DLGAP2: variants seen among roughly 807,000 people sequenced by gnomAD.
DLGAP2 encodes disks large-associated protein 2.
DLGAP2 carries 26 observed loss-of-function variants against 100.3 expected under a neutral mutation model. That is an observed-to-expected ratio of 0.26 (90% CI 0.19 to 0.36). DLGAP2 has a LOEUF of 0.36. Among genes scored for constraint, DLGAP2 ranks in the 10% least tolerant of loss-of-function variants. The probability of loss-of-function intolerance (pLI) is 1.00; values close to 1 mark genes in which losing one functional copy is unlikely to be tolerated. For synonymous variants in DLGAP2, 886 were observed against 630.1 expected (o/e 1.41, Z -6.08); for missense variants, 1,858 against 1,453.2 (o/e 1.28, Z -4.53).
chr8:1,674,873 G>T lies in DLGAP2; in HGVS notation c.2203-1660G>T, dbSNP rs185172898. 2.0e-3 allele frequency among the ~76,000 whole-genome samples: 311 copies of T among 152,322 alleles called. 1 individual carries two copies. Among genetic ancestry groups the T allele is most frequent in the Middle Eastern group, 0.01 (3 of 294 alleles). On this transcript the variant is annotated intron_variant, in intron 10 of 14. Coordinates refer to ENST00000637795, the MANE Select transcript of DLGAP2 (RefSeq NM_001346810.2). The stretch of plus-strand genomic sequence containing the variant: ...CTTAAAACACGAGGCAGCTCCATAT[G>T]TACAGACATGGAATTTTAAATGTAT...
intron 6 of DLGAP2, among the ~76,000 whole-genome samples, chr8:1,587,531 T>G (rs1177774269): frequency 2.0e-5 from 3 of 152,252 alleles, no homozygotes; most frequent in Admixed American, 6.5e-5. Flanking sequence ...CTATGAATGT[T>G]TCTAAGAATA....
intron 2 of DLGAP2, among the ~76,000 whole-genome samples, chr8:963,786 C>A (rs527984135): frequency 2.6e-5 from 4 of 152,090 alleles, no homozygotes; most frequent in Non-Finnish European, 5.9e-5. Flanking sequence ...AGTAGGAATT[C>A]CATTAAACAT....
chr8:970,122 G>A (rs1447366025), intron 2 of DLGAP2, among the ~76,000 whole-genome samples: 1 of 151,924 alleles, frequency 6.6e-6, no homozygotes, highest in African/African-American at 2.4e-5. Context: ...ATGTCCACCG[G>A]CATTCATTTT....
At chr8:841,854 G>A (rs545892454) in intron 1 of DLGAP2, among the ~76,000 whole-genome samples, 1 of 152,162 alleles carries the variant, frequency 6.6e-6, no homozygotes, top group Non-Finnish European at 1.5e-5. Flanking sequence ...TATCACATTT[G>A]TGTCTCTTGT....
intron 3 of DLGAP2, among the ~76,000 whole-genome samples, chr8:1,260,255 C>G (rs11136371): frequency 6.6e-6 from 1 of 151,810 alleles, no homozygotes; most frequent in South Asian, 2.1e-4. Flanking sequence ...CCATTCCCAC[C>G]AGGGAATGCA....
At chr8:1,693,666 C>A (rs540515814) in intron 13 of DLGAP2, among the ~76,000 whole-genome samples, 2 of 152,300 alleles carry the variant, frequency 1.3e-5, no homozygotes, top group South Asian at 4.1e-4. Flanking sequence ...CATCTCATGT[C>A]TTTTCCTTAG....
intron 4 of DLGAP2, among the ~76,000 whole-genome samples, chr8:1,537,594 C>T (rs1420108654): frequency 3.9e-5 from 6 of 152,056 alleles, no homozygotes; most frequent in Middle Eastern, 3.2e-3. Flanking sequence ...ATCTTGCTTC[C>T]GTAGGACAGG....
intron 1 of DLGAP2, among the ~76,000 whole-genome samples, chr8:829,132 A>G (rs1208416227): frequency 6.6e-6 from 1 of 152,204 alleles, no homozygotes; most frequent in African/African-American, 2.4e-5. Flanking sequence ...GTTTTCTTCC[A>G]TTTCTCCCTT....
chr8:789,852 G>C (rs762979437), intron 1 of DLGAP2, among the ~76,000 whole-genome samples: 5 of 152,306 alleles, frequency 3.3e-5, no homozygotes, highest in Non-Finnish European at 5.9e-5. Flanking sequence ...TGGACAAGTG[G>C]TATTGCCCTG....
rs1366225793 is a variant in DLGAP2, at chr8:1,037,172, C to G, written c.73+129206C>G. On this transcript the variant is annotated intron_variant, in intron 2 of 14. Transcript: ENST00000637795. The stretch of plus-strand genomic sequence containing the variant: ...TTCAGTCCTTCCTGCCGCCTGCACC[C>G]AGGGAGCTCAACAGCCTTGAGCGTC... Among the ~76,000 whole-genome samples, 3 of 152,166 alleles carry G rather than the reference C, an allele frequency of 2.0e-5. No individual in the cohort carries two copies. In the East Asian group the frequency reaches 5.8e-4, roughly 29 times the overall value.
intron 4 of DLGAP2, among the ~76,000 whole-genome samples, chr8:1,519,491 A>G (rs1800513130): frequency 6.6e-6 from 1 of 152,226 alleles, no homozygotes; most frequent in Non-Finnish European, 1.5e-5. Context: ...TCTCTTTTCA[A>G]GTCAATACTT....
intron 2 of DLGAP2, among the ~76,000 whole-genome samples, chr8:1,187,473 T>A (rs1457016199): frequency 7.3e-6 from 1 of 136,080 alleles, no homozygotes; most frequent in Non-Finnish European, 1.5e-5. Context: ...TCCGTGACAT[T>A]TGCCTCACGG....
At chr8:1,252,812 G>A (rs1329911766) in intron 2 of DLGAP2, among the ~76,000 whole-genome samples, 1 of 152,240 alleles carries the variant, frequency 6.6e-6, no homozygotes, top group Admixed American at 6.5e-5. Flanking sequence ...AGCCTTTCCT[G>A]ACGAGCAGAG....
intron 3 of DLGAP2, among the ~76,000 whole-genome samples, chr8:1,433,764 G>A (rs902520492): frequency 7.2e-6 from 1 of 137,944 alleles, no homozygotes. Flanking sequence ...TTTGCTAGGA[G>A]AGTTCAGATA....
intron 3 of DLGAP2, among the ~76,000 whole-genome samples, chr8:1,496,690 T>C (rs1799556188): frequency 6.6e-6 from 1 of 152,168 alleles, no homozygotes; most frequent in Non-Finnish European, 1.5e-5. Flanking sequence ...AGGACAGCCA[T>C]TTCTCTGAAG....
chr8:905,641 C>T (rs556761783), intron 1 of DLGAP2, among the ~76,000 whole-genome samples: 23 of 152,260 alleles, frequency 1.5e-4, no homozygotes, highest in African/African-American at 3.8e-4. Context: ...GTGGGCCTCC[C>T]GTGAGCACCT....
At chr8:927,782 C>T (rs929335025) in intron 2 of DLGAP2, among the ~76,000 whole-genome samples, 9 of 151,946 alleles carry the variant, frequency 5.9e-5, no homozygotes, top group Non-Finnish European at 8.8e-5. Context: ...TTGGTCGTTC[C>T]TGGAGATTAT....
At chr8:1,691,108 T>C (rs1238263305) in intron 12 of DLGAP2, among the ~76,000 whole-genome samples, 1 of 152,182 alleles carries the variant, frequency 6.6e-6, no homozygotes, top group Non-Finnish European at 1.5e-5. Flanking sequence ...TTTCTAAAAA[T>C]GAAGGAATTC....
chr8:1,194,033 C>T (rs924920789), intron 2 of DLGAP2, among the ~76,000 whole-genome samples: 4 of 152,146 alleles, frequency 2.6e-5, no homozygotes, highest in African/African-American at 9.7e-5. Flanking sequence ...GGGACCAAAT[C>T]CACGTACTGT....
Sources: gnomAD v4.1 joint callset for allele counts (sites outside exome capture counted in the v4.1 genomes callset) on GRCh38, gnomAD v4.1.1 for gene constraint, MANE v1.5 for transcripts, NCBI Gene and HGNC (gene_info 2026-07-23, HGNC 2026-07-21) for gene names.